The following MMP24 variants were observed in gnomAD, a reference collection of about 807,000 sequenced individuals.
MMP24 encodes matrix metallopeptidase 24.
A neutral mutation model predicts 62.8 loss-of-function variants in MMP24; 25 were observed. The observed-to-expected ratio is 0.40, with a 90% CI of 0.29 to 0.56. MMP24 has a LOEUF of 0.56. Ranked by LOEUF, MMP24 falls within the 20% of genes least tolerant of loss-of-function variation. MMP24 has a pLI of 0.50. For missense variants in MMP24, 634 were observed against 853.6 expected (o/e 0.74, Z 3.21); for synonymous variants, 319 against 350.5 (o/e 0.91, Z 1.00).
Position 35,276,315 on chromosome 20 carries a change from C to G in MMP24, c.*1706C>G. 1 of 399,114 alleles carries G rather than the reference C, an allele frequency of 2.5e-6. No individual in the cohort carries two copies. The highest frequency in any genetic ancestry group is 4.4e-6 in the Non-Finnish European group (1 of 226,092). The allele number at this position is 399,114 out of a possible 1,614,324, so 24.7% of individuals were successfully genotyped here. A position where few individuals can be genotyped will look rare whatever the true frequency, so the allele number is the denominator to read the frequency against. ...GCTCCCTGGGACAGGCAGGGAACAA[C>G]TGCGGAGATATTAGTGATTCATAGG... On this transcript the variant is annotated 3_prime_UTR_variant, in exon 9 of 9. Transcript: ENST00000246186.
chr20:35,252,222 G>A (rs908163906), intron 3 of MMP24, among the ~76,000 whole-genome samples: 20 of 152,304 alleles, frequency 1.3e-4, no homozygotes, highest in African/African-American at 4.8e-4. Context: ...ACAGGATGCT[G>A]TGACTCCAAC....
In MMP24 at chr20:35,247,004, G is replaced by A; in HGVS notation, c.395+16G>A. ...CAACGATCGAGTAAGATTTCCATAG[G>A]ACATTGTGCCTTTGAACTTTCTGGA... On this transcript the variant is annotated intron_variant, in intron 2 of 8. Transcript: ENST00000246186. 6.2e-7 allele frequency: 1 copy of A among 1,613,760 alleles called. No individual in the cohort carries two copies.
chr20:35,270,811 T>G (rs1195623158), intron 7 of MMP24, among the ~76,000 whole-genome samples: 1 of 152,166 alleles, frequency 6.6e-6, no homozygotes, highest in African/African-American at 2.4e-5. Context: ...AGGCCAAGGC[T>G]GGCAGATCAC....
At chr20:35,254,873 GT>G in intron 4 of MMP24, 119 bp downstream of exon 4, 1 of 1,145,416 alleles carries the variant, frequency 8.7e-7, no homozygotes, top group East Asian at 2.4e-5. Flanking sequence ...AACTAAGACC[GT>G]AAGAGGGTGG....
At chr20:35,251,821 G>A in intron 2 of MMP24, 84 bp from the exon 3 acceptor site, 1 of 1,104,988 alleles carries the variant, frequency 9.0e-7, no homozygotes, top group Non-Finnish European at 1.4e-6. Flanking sequence ...TTTCCAGACT[G>A]GAGCTGGGGA....
At chr20:35,253,303 G>C (rs1456453198) in intron 3 of MMP24, among the ~76,000 whole-genome samples, 1 of 90,142 alleles carries the variant, frequency 1.1e-5, no homozygotes, top group Non-Finnish European at 2.0e-5. Context: ...TCAGAAATCT[G>C]ACAAGAGAAG....
intron 5 of MMP24, 28 bp from the exon 6 acceptor site, chr20:35,267,177 C>T (rs1057426941): frequency 6.5e-7 from 1 of 1,534,472 alleles, no homozygotes; most frequent in Non-Finnish European, 8.8e-7. Flanking sequence ...CGGCTGCCCC[C>T]TCTCTAAGAT....
chr20:35,253,813 G>A (rs763763719), intron 3 of MMP24, among the ~76,000 whole-genome samples: 15 of 149,970 alleles, frequency 1.0e-4, no homozygotes, highest in South Asian at 8.4e-4. Context: ...AACATATTTC[G>A]TATTAGGGAA....
intron 1 of MMP24, 52 bp from the exon 2 acceptor site, chr20:35,246,788 G>C (rs2060516840): frequency 2.5e-6 from 4 of 1,602,456 alleles, no homozygotes; most frequent in South Asian, 1.1e-5. Context: ...TGCCCAGGTA[G>C]AACAGAGCCT....
At chr20:35,266,264 A>C (rs1361440656) in intron 5 of MMP24, among the ~76,000 whole-genome samples, 1 of 150,104 alleles carries the variant, frequency 6.7e-6, no homozygotes, top group Non-Finnish European at 1.5e-5. Context: ...AGGCAGGAGA[A>C]TCACTTGAAC....
At chr20:35,235,893 A>T (rs2060460770) in intron 1 of MMP24, among the ~76,000 whole-genome samples, 1 of 152,028 alleles carries the variant, frequency 6.6e-6, no homozygotes, top group South Asian at 2.1e-4. Context: ...GAATGAGACC[A>T]TGGCCACACT....
At chr20:35,266,718 C>T (rs1201202956) in intron 5 of MMP24, among the ~76,000 whole-genome samples, 1 of 152,206 alleles carries the variant, frequency 6.6e-6, no homozygotes, top group East Asian at 1.9e-4. Flanking sequence ...AGGCCCCACC[C>T]CAGGCCCTCT....
chr20:35,236,412 G>C (rs1482010089), intron 1 of MMP24, among the ~76,000 whole-genome samples: 1 of 152,148 alleles, frequency 6.6e-6, no homozygotes, highest in Non-Finnish European at 1.5e-5. Flanking sequence ...CTGAGTATTG[G>C]TGACCAGTGC....
rs776286820 is a variant in MMP24 at position 35,274,244 on chromosome 20, G to C, written c.1601-28G>C. The C allele has an allele frequency of 5.1e-6, 8 of 1,571,962 alleles. No individual in the cohort carries two copies. The Admixed American group carries it at 1.2e-4, about 23-fold the overall frequency. ...GAGCAGGTGCCGGAAGTGTCTGGGA[G>C]TGGTGATGCTGGGCTGTATTTCTGC... On this transcript the variant is annotated intron_variant, in intron 8 of 8. Coordinates refer to ENST00000246186, the MANE Select transcript of MMP24 (RefSeq NM_006690.4). This position sits in a 1 kb window ranked among gnomAD's most constrained non-coding sequence, Gnocchi z 5.1.
At chr20:35,266,301 T>G (rs2378346) in intron 5 of MMP24, among the ~76,000 whole-genome samples, 24,885 of 141,136 alleles carry the variant, frequency 0.18, 2,466 homozygotes, top group African/African-American at 0.29. Context: ...GCAGTGAGCT[T>G]AGATCACGCC....
chr20:35,256,983 A>G (rs1386206498), intron 4 of MMP24, among the ~76,000 whole-genome samples: 1 of 152,136 alleles, frequency 6.6e-6, no homozygotes, highest in African/African-American at 2.4e-5. Flanking sequence ...CTGACTCTTG[A>G]GCTCAAACAA....
rs574744388 is a variant in MMP24, at chr20:35,268,899, C to T, written c.1195-861C>T. On this transcript the variant is annotated intron_variant, in intron 6 of 8. Transcript: ENST00000246186. Reference sequence around the variant, plus strand: ...AAAATTAGCCGGGTGTGGTGGCGGGCGCCTGTAGTCCCAGCTACTCAGGAG... The same window carrying T: ...AAAATTAGCCGGGTGTGGTGGCGGGTGCCTGTAGTCCCAGCTACTCAGGAG... 1.5e-3 allele frequency among the ~76,000 whole-genome samples: 232 copies of T among 152,112 alleles called. 1 individual carries two copies. Among genetic ancestry groups the T allele is most frequent in the African/African-American group, 4.9e-3 (203 of 41,478 alleles).
chr20:35,241,860 TTGGCTGAC>T (rs1218384794), intron 1 of MMP24, among the ~76,000 whole-genome samples: 2 of 152,200 alleles, frequency 1.3e-5, no homozygotes, highest in Admixed American at 1.3e-4. Flanking sequence ...AAATACTCCA[TTGGCTGAC>T]TGGCTTGTGA....
chr20:35,239,699 C>T (rs1352029808), intron 1 of MMP24, among the ~76,000 whole-genome samples: 4 of 152,128 alleles, frequency 2.6e-5, no homozygotes, highest in Admixed American at 2.0e-4. Flanking sequence ...TGGTGGCAAA[C>T]GCCTGTAGTC....
Sources: allele counts gnomAD v4.1 joint callset (sites outside exome capture counted in the v4.1 genomes callset), GRCh38; gene constraint gnomAD v4.1.1; non-coding constraint Gnocchi (gnomAD v3.1); transcripts MANE v1.5; gene names NCBI Gene and HGNC (gene_info 2026-07-23, HGNC 2026-07-21).